The following EXOC6B variants were observed in gnomAD, a reference collection of about 807,000 sequenced individuals.
EXOC6B encodes the protein SEC15 homolog B.
Under a neutral mutation model 113.5 loss-of-function variants are expected in EXOC6B, and 54 were observed. The observed-to-expected ratio is 0.48, with a 90% confidence interval of 0.38 to 0.60. EXOC6B has a LOEUF of 0.60. EXOC6B is among the 20% of genes least tolerant of loss of function. The pLI is 0.00. For synonymous variants in EXOC6B, 357 were observed against 339.0 expected, an observed-to-expected ratio of 1.05 and a Z score of -0.58; for missense variants, 797 against 977.5, an observed-to-expected ratio of 0.82 and a Z score of 2.46.
intron 17 of EXOC6B, among the ~76,000 whole-genome samples, chr2:72,466,332 A>C (rs1369213601): frequency 6.7e-6 from 1 of 149,470 alleles, no homozygotes; most frequent in Non-Finnish European, 1.5e-5. Context: ...GCGACAGAGC[A>C]AGACTCCACC....
chr2:72,814,822 T>C (rs1004419369), intron 1 of EXOC6B, among the ~76,000 whole-genome samples: 2 of 151,952 alleles, frequency 1.3e-5, no homozygotes, highest in Admixed American at 6.5e-5. Context: ...AAACCCCATC[T>C]CTACTAAAAA....
chr2:72,680,879 C>T (rs927594912), intron 6 of EXOC6B, among the ~76,000 whole-genome samples: 3 of 152,106 alleles, frequency 2.0e-5, no homozygotes, highest in African/African-American at 7.2e-5. Flanking sequence ...GGAAAAAAGA[C>T]AGAAGCAAGC....
intron 18 of EXOC6B, among the ~76,000 whole-genome samples, chr2:72,421,461 T>TA (rs1452983011): frequency 6.6e-6 from 1 of 152,242 alleles, no homozygotes; most frequent in Non-Finnish European, 1.5e-5. Flanking sequence ...CTACTTTTAA[T>TA]AAATTCCAAA....
chr2:72,631,291 G>A (rs1175954953), intron 6 of EXOC6B, among the ~76,000 whole-genome samples: 1 of 151,192 alleles, frequency 6.6e-6, no homozygotes, highest in African/African-American at 2.4e-5. Flanking sequence ...ATTTAAATGA[G>A]TCAAAGATAA....
At position 72,310,850 on chromosome 2, in the gene EXOC6B, AACAC is replaced by A. The variant is rs375159478; in HGVS notation, c.2196+24093_2196+24096del. Among the ~76,000 whole-genome samples the A allele has an allele frequency of 6.1e-3, 738 of 120,306 alleles. 3 individuals are homozygous for A. Among genetic ancestry groups the A allele is most frequent in the South Asian group, 0.011 (45 of 4,122 alleles). 78.9% of individuals were successfully genotyped at this position (120,306 alleles called of 152,430 possible). ...GCATTTTACATGTGTTATTTCATTT[AACAC>A]ACACACACACACACACACACACACA... is the stretch of plus-strand genomic sequence containing the variant. On this transcript the variant is annotated intron_variant, in intron 20 of 21. Transcript: ENST00000272427.
chr2:72,463,748 T>C (rs1021718174), intron 18 of EXOC6B: 1 of 152,164 alleles, frequency 6.6e-6, no homozygotes, highest in Non-Finnish European at 1.5e-5. Context: ...GACTCACTAG[T>C]AGAAGAATGC....
Position 72,514,627 on chromosome 2 carries a change from T to C in EXOC6B, c.1046+7A>G, listed in dbSNP as rs941770307. The stretch of plus-strand genomic sequence containing the variant: ...ATAAATATATATATATATATATATA[T>C]ACCTACCCTACAATTTGATTAAAAT... On this transcript the variant is annotated splice_region_variant and intron_variant, in intron 10 of 21. Coordinates refer to ENST00000272427, the MANE Select transcript of EXOC6B (RefSeq NM_015189.3). 31 of 677,102 alleles carry C rather than the reference T, an allele frequency of 4.6e-5. No homozygotes were observed. The highest frequency in any genetic ancestry group is 1.6e-4 in the East Asian group (4 of 24,610). The allele number at this position is 677,102 out of a possible 1,614,324, so 41.9% of individuals were successfully genotyped here.
intron 20 of EXOC6B, among the ~76,000 whole-genome samples, chr2:72,217,840 C>G (rs1162843413): frequency 6.6e-6 from 1 of 152,084 alleles, no homozygotes; most frequent in African/African-American, 2.4e-5. Context: ...TTCTTTATGC[C>G]TCAACTTGGA....
chr2:72,611,205 A>T (rs527300180), intron 6 of EXOC6B, among the ~76,000 whole-genome samples: 1 of 152,302 alleles, frequency 6.6e-6, no homozygotes, highest in African/African-American at 2.4e-5. Flanking sequence ...CTACTAAAAA[A>T]TACAAAAAAT....
intron 6 of EXOC6B, among the ~76,000 whole-genome samples, chr2:72,577,042 G>A (rs1018972035): frequency 2.6e-5 from 4 of 151,966 alleles, no homozygotes; most frequent in Admixed American, 6.6e-5. Flanking sequence ...ATTATAACAA[G>A]GCAGAGAAAA....
intron 20 of EXOC6B, among the ~76,000 whole-genome samples, chr2:72,244,356 A>G (rs572647115): frequency 6.6e-6 from 1 of 152,198 alleles, no homozygotes; most frequent in Admixed American, 6.5e-5. Flanking sequence ...GTTTAACTAA[A>G]TAAAAATGAA....
intron 18 of EXOC6B, among the ~76,000 whole-genome samples, chr2:72,395,179 C>A (rs954965095): frequency 3.9e-5 from 6 of 151,986 alleles, no homozygotes; most frequent in African/African-American, 1.4e-4. Context: ...CCAGGAAAAC[C>A]TCTATAATCT....
chr2:72,356,057 T>C (rs1689958772), intron 19 of EXOC6B, among the ~76,000 whole-genome samples: 3 of 152,214 alleles, frequency 2.0e-5, no homozygotes, highest in African/African-American at 7.2e-5. Flanking sequence ...AGGAAGTACA[T>C]TTAAAATGTT....
chr2:72,366,613 A>G (rs184007358), intron 19 of EXOC6B, among the ~76,000 whole-genome samples: 1 of 152,226 alleles, frequency 6.6e-6, no homozygotes, highest in Admixed American at 6.5e-5. Context: ...CAGAATTAAC[A>G]TAAAGAATCC....
chr2:72,636,545 G>A (rs1223412685), intron 6 of EXOC6B, among the ~76,000 whole-genome samples: 1 of 151,918 alleles, frequency 6.6e-6, no homozygotes, highest in Non-Finnish European at 1.5e-5. Flanking sequence ...GGCGGCAGCA[G>A]CCACAGTGCT....
intron 19 of EXOC6B, among the ~76,000 whole-genome samples, chr2:72,376,363 T>C (rs1025804022): frequency 6.6e-6 from 1 of 152,202 alleles, no homozygotes; most frequent in Non-Finnish European, 1.5e-5. Flanking sequence ...TGTTCTGTTT[T>C]TCTTTCAGGA....
At chr2:72,255,951 A>G (rs974855080) in intron 20 of EXOC6B, among the ~76,000 whole-genome samples, 1 of 152,232 alleles carries the variant, frequency 6.6e-6, no homozygotes, top group African/African-American at 2.4e-5. Flanking sequence ...TCATAACCTC[A>G]GGTATCTGTG....
intron 6 of EXOC6B, among the ~76,000 whole-genome samples, chr2:72,607,168 G>T (rs184591478): frequency 6.6e-6 from 1 of 152,222 alleles, no homozygotes; most frequent in African/African-American, 2.4e-5. Context: ...CCCAAATAAG[G>T]TTAGATTTGA....
At chr2:72,422,540 G>A (rs908517532) in intron 18 of EXOC6B, among the ~76,000 whole-genome samples, 14 of 151,096 alleles carry the variant, frequency 9.3e-5, no homozygotes, top group Admixed American at 2.6e-4. Flanking sequence ...CTGCTCTGGT[G>A]GGGCCTTGGA....
Sources: allele counts gnomAD v4.1 joint callset (sites outside exome capture counted in the v4.1 genomes callset), GRCh38; gene constraint gnomAD v4.1.1; transcripts MANE v1.5; gene names NCBI Gene and HGNC (gene_info 2026-07-23, HGNC 2026-07-21).